Variants in PHEX observed in about 807,000 individuals in gnomAD.
PHEX encodes phosphate regulating endopeptidase X-linked.
PHEX carries 16 observed loss-of-function variants against 68.0 expected under a neutral mutation model. The observed-to-expected ratio is 0.24, with a 90% confidence interval of 0.16 to 0.36. The LOEUF (loss-of-function observed/expected upper bound fraction) is 0.36, where lower values mean the gene tolerates loss of function less well. PHEX is among the 10% of genes least tolerant of loss of function. The pLI is 1.00. For missense variants in PHEX, 480 were observed against 575.5 expected (o/e 0.83, Z 1.70); for synonymous variants, 208 against 205.1 (o/e 1.01, Z -0.12).
At chrX:22,050,119 C>G (rs1927751662) in intron 3 of PHEX, among the ~76,000 whole-genome samples, 1 of 112,388 alleles carries the variant, frequency 8.9e-6, no homozygotes, top group African/African-American at 3.2e-5. Context: ...CCCAAAAAGC[C>G]TAAAATATTT....
intron 13 of PHEX, among the ~76,000 whole-genome samples, chrX:22,177,899 T>C (rs964045373): frequency 2.7e-5 from 3 of 112,105 alleles, no homozygotes; most frequent in Non-Finnish European, 3.8e-5. Flanking sequence ...ATTAACAAAG[T>C]ACACATTTTA....
At chrX:22,222,156 T>A (rs1935289486) in intron 18 of PHEX, among the ~76,000 whole-genome samples, 1 of 111,380 alleles carries the variant, frequency 9.0e-6, no homozygotes, top group Non-Finnish European at 1.9e-5. Flanking sequence ...GAAACCAGAG[T>A]CTGTATCCTT....
intron 15 of PHEX, among the ~76,000 whole-genome samples, chrX:22,211,092 T>G (rs1169853252): frequency 2.7e-5 from 3 of 111,998 alleles, no homozygotes; most frequent in African/African-American, 9.7e-5. Context: ...GATTCTTTGC[T>G]CTATCAGCTG....
intron 3 of PHEX, among the ~76,000 whole-genome samples, chrX:22,049,536 C>T (rs920693407): frequency 9.0e-6 from 1 of 111,635 alleles, no homozygotes; most frequent in Non-Finnish European, 1.9e-5. Flanking sequence ...AAAGAGTACT[C>T]TAAATTTCAT....
At chrX:22,072,660 G>A (rs1455402579) in intron 3 of PHEX, among the ~76,000 whole-genome samples, 1 of 112,123 alleles carries the variant, frequency 8.9e-6, no homozygotes, top group Non-Finnish European at 1.9e-5. Flanking sequence ...ATAACAAAAA[G>A]GTAGATTGCT....
At chrX:22,161,440 A>G (rs1249757889) in intron 12 of PHEX, among the ~76,000 whole-genome samples, 1 of 112,276 alleles carries the variant, frequency 8.9e-6, no homozygotes, top group Non-Finnish European at 1.9e-5. Flanking sequence ...ACAACAACAA[A>G]ACCCAGGGAA....
intron 20 of PHEX, among the ~76,000 whole-genome samples, chrX:22,236,370 A>C (rs910964922): frequency 9.8e-5 from 11 of 112,528 alleles, no homozygotes; most frequent in African/African-American, 3.6e-4. Context: ...TCCACAGCTA[A>C]TCTTCTGGAT....
chrX:22,228,981 G>T (rs1935611050), intron 20 of PHEX, among the ~76,000 whole-genome samples: 1 of 111,586 alleles, frequency 9.0e-6, no homozygotes, highest in African/African-American at 3.3e-5. Context: ...AACATGCGGG[G>T]TTTGGTTTTC....
At chrX:22,134,723 T>C (rs1441838463) in intron 12 of PHEX, among the ~76,000 whole-genome samples, 1 of 112,451 alleles carries the variant, frequency 8.9e-6, no homozygotes, top group African/African-American at 3.2e-5. Context: ...ATTTCTTGTA[T>C]CTAGAGGTAT....
chrX:22,188,853 C>G (rs909153986), intron 14 of PHEX, among the ~76,000 whole-genome samples: 1 of 111,716 alleles, frequency 9.0e-6, no homozygotes, highest in Non-Finnish European at 1.9e-5. Context: ...CTTATTCATT[C>G]TTTCTAACTA....
intron 12 of PHEX, among the ~76,000 whole-genome samples, chrX:22,145,492 T>TG (rs1932655160): frequency 9.0e-6 from 1 of 110,731 alleles, no homozygotes; most frequent in Non-Finnish European, 1.9e-5. Context: ...GTCATGCACG[T>TG]GTAATCCCAG....
At chrX:22,180,756 A>T (rs1475190922) in intron 14 of PHEX, among the ~76,000 whole-genome samples, 2 of 110,323 alleles carry the variant, frequency 1.8e-5, no homozygotes, top group Admixed American at 9.6e-5. Context: ...CCCATTAACC[A>T]TCCCCTCGAC....
At chrX:22,046,748 G>C (rs1458147178) in intron 2 of PHEX, among the ~76,000 whole-genome samples, 1 of 109,654 alleles carries the variant, frequency 9.1e-6, no homozygotes, top group Non-Finnish European at 1.9e-5. Context: ...TGTATTTTTA[G>C]TAGAGATGGG....
chrX:22,104,633 AGCACATCACTGGGTGAGGG>A (rs1930593305), intron 9 of PHEX, among the ~76,000 whole-genome samples: 1 of 111,804 alleles, frequency 8.9e-6, no homozygotes, highest in Non-Finnish European at 1.9e-5. Context: ...AACCTTTACT[AGCACATCACTGGGTGAGGG>A]GCACTATAGA....
intron 16 of PHEX, among the ~76,000 whole-genome samples, chrX:22,218,235 TAA>T (rs749370536): frequency 1.7e-3 from 193 of 111,592 alleles, no homozygotes; most frequent in African/African-American, 5.8e-3. Flanking sequence ...TGGAAGCTAC[TAA>T]GTTTCTTAAG....
chrX:22,060,643 C>T (rs181401215), intron 3 of PHEX, among the ~76,000 whole-genome samples: 2 of 111,730 alleles, frequency 1.8e-5, no homozygotes, highest in African/African-American at 6.5e-5. Flanking sequence ...ATAAATATTG[C>T]CACACATTAT....
chrX:22,098,890 G>C, intron 8 of PHEX, 116 bp from the exon 9 acceptor site: 1 of 509,720 alleles, frequency 2.0e-6, no homozygotes, highest in Non-Finnish European at 3.2e-6. Context: ...GTTGCATCTT[G>C]AATTATTAGG....
chrX:22,210,871 C>T (rs1223014426), intron 15 of PHEX, among the ~76,000 whole-genome samples: 1 of 110,640 alleles, frequency 9.0e-6, no homozygotes, highest in Non-Finnish European at 1.9e-5. Context: ...TATAGAACCA[C>T]CATTTCCCTT....
intron 11 of PHEX, among the ~76,000 whole-genome samples, chrX:22,125,555 T>A (rs1408135535): frequency 9.0e-6 from 1 of 111,406 alleles, no homozygotes; most frequent in Non-Finnish European, 1.9e-5. Flanking sequence ...TTTTAAACCA[T>A]TCCAAGCTGT....
Sources: allele counts gnomAD v4.1 joint callset (sites outside exome capture counted in the v4.1 genomes callset), GRCh38; gene constraint gnomAD v4.1.1; transcripts MANE v1.5; gene names NCBI Gene and HGNC (gene_info 2026-07-23, HGNC 2026-07-21).